The following PAWR variants were observed in gnomAD, a reference collection of about 807,000 sequenced individuals.
PAWR encodes PRKC apoptosis WT1 regulator protein.
In PAWR, 23 loss-of-function variants were observed where a neutral mutation model predicts 32.0. That is an observed-to-expected ratio of 0.72 (90% CI 0.52 to 1.02). The LOEUF (loss-of-function observed/expected upper bound fraction) is 1.02, where lower values mean the gene tolerates loss of function less well. PAWR is among the 50% of genes least tolerant of loss of function. PAWR has a pLI of 0.00. For missense variants in PAWR, 457 were observed against 437.7 expected, an observed-to-expected ratio of 1.04 and a Z score of -0.39; for synonymous variants, 226 against 187.1, an observed-to-expected ratio of 1.21 and a Z score of -1.70.
intron 2 of PAWR, among the ~76,000 whole-genome samples, chr12:79,626,550 G>A (rs1271791560): frequency 3.3e-5 from 5 of 150,382 alleles, no homozygotes; most frequent in Admixed American, 6.6e-5. Context: ...TGAGCCACAC[G>A]CCCCGCCGAA....
At position 79,596,549 on chromosome 12, in the gene PAWR, T is replaced by C. The variant is rs1475461815; in HGVS notation, c.793A>G (p.Ser265Gly). The part of the protein sequence containing the change: ...DANVSGTLVS[S>G]STLEKKIEDL... ...TCAATTTTCTTTTCCAGTGTGCTAC[T>C]TGAAACCAGAGTACCTGAAACATTT... The change falls in exon 5 of 7, where the codon AGT (serine) becomes GGT (glycine). Residue 265 changes from serine to glycine, a missense_variant. Physicochemically the swap from Ser to Gly is moderately conservative, Grantham distance 56. Transcript: ENST00000328827. The C allele has an allele frequency of 1.3e-6, 2 of 1,595,872 alleles. No homozygotes were observed. The highest frequency in any genetic ancestry group is 1.7e-6 in the Non-Finnish European group (2 of 1,166,480).
In PAWR at chr12:79,600,874, C is replaced by A. The variant is rs911559527; in HGVS notation, c.684-4216G>T. 3.3e-5 allele frequency among the ~76,000 whole-genome samples: 5 copies of A among 152,096 alleles called. No individual in the cohort carries two copies. In the East Asian group the frequency reaches 9.6e-4, roughly 29 times the overall value. On this transcript the variant is annotated intron_variant, in intron 4 of 6. Coordinates refer to ENST00000328827, the MANE Select transcript of PAWR (RefSeq NM_002583.4). ...GGCATGATTAGCATGCAACTTGCCA[C>A]GGCACTTGAACTACTCTATATCCTG...
intron 2 of PAWR, among the ~76,000 whole-genome samples, chr12:79,672,607 T>C (rs921501699): frequency 6.6e-6 from 1 of 152,056 alleles, no homozygotes; most frequent in African/African-American, 2.4e-5. Flanking sequence ...CTACTCTCTA[T>C]AGCCTATCTC....
At chr12:79,594,294 A>C (rs759493159) in intron 6 of PAWR, 35 bp downstream of exon 6, 25 of 828,130 alleles carry the variant, frequency 3.0e-5, no homozygotes, top group African/African-American at 7.0e-5. Context: ...GCCAAAAAAA[A>C]CCCCTCCAAA....
intron 2 of PAWR, among the ~76,000 whole-genome samples, chr12:79,635,831 A>G (rs368489054): frequency 8.5e-5 from 13 of 152,152 alleles, no homozygotes; most frequent in African/African-American, 3.1e-4. Flanking sequence ...CAATATTATC[A>G]TCACCACAGT....
rs148719705 is a variant in PAWR at position 79,603,320 on chromosome 12, CAAATAAGACTGGG to C, written c.684-6675_684-6663del. On this transcript the variant is annotated intron_variant, in intron 4 of 6. Transcript: ENST00000328827. ...AAGAGATACAGGAAAGAAACAACTA[CAAATAAGACTGGG>C]AAATACCAGCAAAGTGGTAAAAAGA... Among the ~76,000 whole-genome samples, 992 of 151,958 alleles carry C rather than the reference CAAATAAGACTGGG, an allele frequency of 6.5e-3. 11 individuals are homozygous for C. Among genetic ancestry groups the C allele is most frequent in the African/African-American group, 0.02 (811 of 41,474 alleles).
In PAWR at chr12:79,632,290, T is replaced by C. The variant is rs1376320400; in HGVS notation, c.517-11083A>G. 5 of 56,496 alleles carry C rather than the reference T, an allele frequency of 8.9e-5. No individual in the cohort carries two copies. The Admixed American group carries it at 9.1e-4, about 10-fold the overall frequency. 3.5% of individuals were successfully genotyped at this position (56,496 alleles called of 1,614,324 possible). On this transcript the variant is annotated intron_variant, in intron 2 of 6. Transcript: ENST00000328827. ...ATGCACTAGAGTCCAGAAATAGAAA[T>C]ATATACATATATATATACATACATA...
chr12:79,651,503 G>T (rs956294553), intron 2 of PAWR, among the ~76,000 whole-genome samples: 7 of 152,214 alleles, frequency 4.6e-5, no homozygotes, highest in African/African-American at 1.7e-4. Context: ...GCCTCATCAG[G>T]TATTTCAGTT....
rs1873578251 is a variant in PAWR at position 79,592,150 on chromosome 12, A to G, written c.*457T>C. On this transcript the variant is annotated 3_prime_UTR_variant, in exon 7 of 7. Coordinates refer to ENST00000328827, the MANE Select transcript of PAWR (RefSeq NM_002583.4). ...AGAATAAGTGGAAAGAACAAATGAC[A>G]GTAGACAAAAACCTTTATGAGTGAG... The G allele has an allele frequency of 6.5e-6, 1 of 153,170 alleles. No homozygotes were observed. The highest frequency in any genetic ancestry group is 2.1e-4 in the South Asian group (1 of 4,870). The allele number at this position is 153,170 out of a possible 1,614,324, so 9.5% of individuals were successfully genotyped here. A position where few individuals can be genotyped will look rare whatever the true frequency, so the allele number is the denominator to read the frequency against.
At chr12:79,636,948 C>G (rs928371700) in intron 2 of PAWR, among the ~76,000 whole-genome samples, 5 of 152,014 alleles carry the variant, frequency 3.3e-5, no homozygotes, top group Non-Finnish European at 5.9e-5. Flanking sequence ...CTCAACAAGG[C>G]TCTAATAAGG....
intron 4 of PAWR, chr12:79,604,545 T>C: frequency 8.4e-7 from 1 of 1,189,452 alleles, no homozygotes; most frequent in Non-Finnish European, 1.1e-6. Flanking sequence ...ATCCTACTTT[T>C]AGAATAAGTA....
chr12:79,655,907 A>C (rs192239960), intron 2 of PAWR, among the ~76,000 whole-genome samples: 6 of 152,376 alleles, frequency 3.9e-5, no homozygotes, highest in Admixed American at 2.6e-4. Context: ...AGAGACAAAT[A>C]AGCAATTAAA....
At chr12:79,666,568 T>C (rs1291921377) in intron 2 of PAWR, among the ~76,000 whole-genome samples, 4 of 152,188 alleles carry the variant, frequency 2.6e-5, no homozygotes, top group Non-Finnish European at 5.9e-5. Context: ...GGTTACATGA[T>C]ATGTAATATT....
chr12:79,652,592 T>A (rs1259613844), intron 2 of PAWR, among the ~76,000 whole-genome samples: 1 of 152,230 alleles, frequency 6.6e-6, no homozygotes, highest in Non-Finnish European at 1.5e-5. Context: ...TGGAGCATCA[T>A]GAATTTATTT....
At chr12:79,646,604 T>C (rs530405411) in intron 2 of PAWR, among the ~76,000 whole-genome samples, 1 of 152,270 alleles carries the variant, frequency 6.6e-6, no homozygotes, top group East Asian at 1.9e-4. Context: ...AAAACCCATA[T>C]CTCACTATCA....
intron 4 of PAWR, among the ~76,000 whole-genome samples, chr12:79,602,904 C>T (rs1020612901): frequency 1.3e-5 from 2 of 150,644 alleles, no homozygotes; most frequent in African/African-American, 4.9e-5. Flanking sequence ...AATGAAATTT[C>T]TACCACAAAT....
intron 3 of PAWR, among the ~76,000 whole-genome samples, chr12:79,614,382 G>A (rs532301938): frequency 2.6e-4 from 40 of 151,954 alleles, no homozygotes; most frequent in African/African-American, 8.9e-4. Flanking sequence ...CTTACCGTGT[G>A]CATATAGTAA....
chr12:79,630,334 C>CA (rs1347000505), intron 2 of PAWR, among the ~76,000 whole-genome samples: 1 of 151,758 alleles, frequency 6.6e-6, no homozygotes, highest in Non-Finnish European at 1.5e-5. Context: ...GAGACAGTCT[C>CA]AGTCACCCAG....
At chr12:79,626,732 C>A (rs1224160805) in intron 2 of PAWR, among the ~76,000 whole-genome samples, 1 of 151,752 alleles carries the variant, frequency 6.6e-6, no homozygotes, top group Non-Finnish European at 1.5e-5. Flanking sequence ...TAATGCTATC[C>A]CTCCCCCTTC....
Sources: gnomAD v4.1 joint callset for allele counts (sites outside exome capture counted in the v4.1 genomes callset) on GRCh38, gnomAD v4.1.1 for gene constraint, MANE v1.5 for transcripts, NCBI Gene and HGNC (gene_info 2026-07-23, HGNC 2026-07-21) for gene names.